Variants in SLC41A2 observed in about 807,000 individuals in gnomAD.
SLC41A2 encodes solute carrier family 41 member 2.
Under a neutral mutation model 58.3 loss-of-function variants are expected in SLC41A2, and 32 were observed. The ratio of observed to expected loss-of-function variants is 0.55; its 90% CI spans 0.41 to 0.74. SLC41A2 has a LOEUF of 0.74. Among genes scored for constraint, SLC41A2 ranks in the 30% least tolerant of loss-of-function variants. The pLI, the probability that SLC41A2 is intolerant of heterozygous loss-of-function variation, is 0.00. For synonymous variants in SLC41A2, 190 were observed against 235.0 expected (o/e 0.81, Z 1.75); for missense variants, 514 against 680.6 (o/e 0.76, Z 2.72).
In SLC41A2 at chr12:104,889,135, T is replaced by C. The variant is rs1347621865; in HGVS notation, c.778A>G (p.Ile260Val). The C allele has an allele frequency of 6.2e-7, 1 of 1,610,896 alleles. No homozygotes were observed. The highest frequency in any genetic ancestry group is 2.2e-5 in the East Asian group (1 of 44,800). ...CCTTCTGGAATCCAGCCCAATATAA[T>C]TGCTGCCACAGCTGCTAGAAAACCC... is the stretch of plus-strand genomic sequence containing the variant. ...VVGFLAAVAA[I>V]ILGWIPEGKY... Residue 260 changes from isoleucine to valine, a missense_variant, in exon 5 of 11, where the codon ATT (isoleucine) becomes GTT (valine). Around this residue, in one of 3 missense-constraint regions of SLC41A2, gnomAD observed 336 missense variants for 430.0 expected, o/e 0.78. Transcript: ENST00000258538.
chr12:104,893,562 T>G (rs1436463867), intron 4 of SLC41A2, among the ~76,000 whole-genome samples: 1 of 152,250 alleles, frequency 6.6e-6, no homozygotes, highest in Admixed American at 6.5e-5. Context: ...ACTTCTATGT[T>G]TGTTGCAGCA....
intron 1 of SLC41A2, among the ~76,000 whole-genome samples, chr12:104,944,396 T>C (rs2047631545): frequency 6.6e-6 from 1 of 152,248 alleles, no homozygotes; most frequent in Non-Finnish European, 1.5e-5. Flanking sequence ...GCCAAGCTTC[T>C]ACCTTCTCCA....
chr12:104,934,316 C>T (rs2047180818), intron 1 of SLC41A2, among the ~76,000 whole-genome samples: 2 of 152,148 alleles, frequency 1.3e-5, no homozygotes, highest in Non-Finnish European at 2.9e-5. Flanking sequence ...AGTAGCACAG[C>T]TGGGAAGAAC....
chr12:104,861,553 G>T (rs112201217), intron 7 of SLC41A2, among the ~76,000 whole-genome samples, 183 bp from the exon 8 acceptor site: 1 of 152,054 alleles, frequency 6.6e-6, no homozygotes, highest in Non-Finnish European at 1.5e-5. Flanking sequence ...AATAAAACAC[G>T]GCATAAGCTC....
chr12:104,895,140 A>G, intron 4 of SLC41A2, 134 bp downstream of exon 4: 1 of 583,210 alleles, frequency 1.7e-6, no homozygotes, highest in South Asian at 2.5e-5. Context: ...TTTTCAAGGT[A>G]CTAAATTATT....
At chr12:104,954,373 GT>G in intron 1 of SLC41A2, among the ~76,000 whole-genome samples, 1 of 152,310 alleles carries the variant, frequency 6.6e-6, no homozygotes, top group Middle Eastern at 3.4e-3. Context: ...AAGAAAAAGT[GT>G]CCCTACCCTC....
At chr12:104,902,570 G>T (rs891973845) in intron 3 of SLC41A2, among the ~76,000 whole-genome samples, 7 of 152,086 alleles carry the variant, frequency 4.6e-5, no homozygotes, top group Non-Finnish European at 1.0e-4. Flanking sequence ...AGCAGTGCTG[G>T]ACTACACGAA....
intron 10 of SLC41A2, among the ~76,000 whole-genome samples, chr12:104,820,244 T>C (rs1404709615): frequency 2.0e-5 from 3 of 152,232 alleles, no homozygotes; most frequent in Non-Finnish European, 2.9e-5. Context: ...GGCCAGAGAA[T>C]TGCTTGAAAC....
chr12:104,932,038 G>T lies in SLC41A2; in HGVS notation c.-167-3344C>A, dbSNP rs185786734. Among the ~76,000 whole-genome samples the T allele has an allele frequency of 8.7e-4, 133 of 152,262 alleles. 1 individual carries two copies. In the Middle Eastern group the frequency reaches 0.014, roughly 16 times the overall value. On this transcript the variant is annotated intron_variant, in intron 1 of 10. Coordinates refer to ENST00000258538, the MANE Select transcript of SLC41A2 (RefSeq NM_001352171.3). ...AGGAATGACCTTGATACAAGTATAT[G>T]CCACAGACCACATATCACCATCATG...
intron 10 of SLC41A2, among the ~76,000 whole-genome samples, chr12:104,817,591 T>G (rs1338658134): frequency 6.6e-6 from 1 of 152,070 alleles, no homozygotes; most frequent in Non-Finnish European, 1.5e-5. Context: ...TCTTTGCCTC[T>G]CCTCTTTTTT....
chr12:104,819,492 C>A (rs2041543702), intron 10 of SLC41A2, among the ~76,000 whole-genome samples: 1 of 152,044 alleles, frequency 6.6e-6, no homozygotes, highest in Admixed American at 6.6e-5. Context: ...AAGGTACGTA[C>A]AAACATTAAT....
At chr12:104,894,247 G>T (rs887938409) in intron 4 of SLC41A2, among the ~76,000 whole-genome samples, 1 of 151,818 alleles carries the variant, frequency 6.6e-6, no homozygotes, top group African/African-American at 2.4e-5. Context: ...CCAGCTACTC[G>T]GGCACTCAGG....
At chr12:104,825,103 A>G (rs1028854140) in intron 10 of SLC41A2, among the ~76,000 whole-genome samples, 1 of 152,176 alleles carries the variant, frequency 6.6e-6, no homozygotes, top group Non-Finnish European at 1.5e-5. Flanking sequence ...GAGTTTTGCT[A>G]CAGGCTGCGG....
intron 10 of SLC41A2, among the ~76,000 whole-genome samples, chr12:104,834,809 G>C (rs994164483): frequency 2.6e-5 from 4 of 152,154 alleles, no homozygotes; most frequent in Non-Finnish European, 4.4e-5. Context: ...AAGACTCCAA[G>C]GAATAAAGTA....
intron 2 of SLC41A2, among the ~76,000 whole-genome samples, chr12:104,926,695 A>G (rs2046857445): frequency 6.6e-6 from 1 of 152,220 alleles, no homozygotes; most frequent in Non-Finnish European, 1.5e-5. Flanking sequence ...AGAATGGCCA[A>G]TAAACACATG....
At chr12:104,893,710 T>C (rs894098487) in intron 4 of SLC41A2, among the ~76,000 whole-genome samples, 6 of 152,176 alleles carry the variant, frequency 3.9e-5, no homozygotes, top group Admixed American at 2.6e-4. Flanking sequence ...TGTAACAACA[T>C]AGATGGAACT....
In SLC41A2 at chr12:104,953,921, G is replaced by A. The variant is rs572127393; in HGVS notation, c.-168+4167C>T. On this transcript the variant is annotated intron_variant, in intron 1 of 10. Transcript: ENST00000258538. Reference sequence around the variant, plus strand: ...AGCAGCAAGGTGGGGCAAAAGGAAAGAGGGATCAAATGAAGGAAAAGGTTT... The same window carrying A: ...AGCAGCAAGGTGGGGCAAAAGGAAAAAGGGATCAAATGAAGGAAAAGGTTT... Among the ~76,000 whole-genome samples the A allele has an allele frequency of 1.3e-4, 20 of 152,268 alleles. No homozygotes were observed. The South Asian group carries it at 3.9e-3, about 30-fold the overall frequency.
chr12:104,909,900 C>T (rs760073826), intron 2 of SLC41A2, 138 bp from the exon 3 acceptor site: 169 of 577,374 alleles, frequency 2.9e-4, no homozygotes, highest in Non-Finnish European at 2.4e-4. Flanking sequence ...ATGTAATCAG[C>T]GAGCACTTAG....
chr12:104,950,181 T>C (rs1442220352), intron 1 of SLC41A2, among the ~76,000 whole-genome samples: 3 of 152,162 alleles, frequency 2.0e-5, no homozygotes, highest in African/African-American at 7.2e-5. Context: ...TGAGACAGGG[T>C]CTCTGATATG....
Sources: gnomAD v4.1 joint callset for allele counts (sites outside exome capture counted in the v4.1 genomes callset) on GRCh38, gnomAD v4.1.1 for gene constraint, gnomAD v4.1.1 regional missense constraint, MANE v1.5 for transcripts, NCBI Gene and HGNC (gene_info 2026-07-23, HGNC 2026-07-21) for gene names.